CADM2: variants seen among roughly 807,000 people sequenced by gnomAD.
The protein encoded by CADM2 is immunoglobulin superfamily member 4D.
Under a neutral mutation model 49.8 loss-of-function variants are expected in CADM2, and 12 were observed. That is an observed-to-expected ratio of 0.24 (90% confidence interval 0.15 to 0.39). The LOEUF is 0.39. Among genes scored for constraint, CADM2 ranks in the 10% least tolerant of loss-of-function variants. The pLI is 1.00. For synonymous variants in CADM2, 214 were observed against 175.4 expected (o/e 1.22, Z -1.74); for missense variants, 378 against 492.3 (o/e 0.77, Z 2.20).
intron 1 of CADM2, among the ~76,000 whole-genome samples, chr3:85,681,678 A>C (rs1226709631): frequency 6.6e-6 from 1 of 152,160 alleles, no homozygotes; most frequent in Non-Finnish European, 1.5e-5. Flanking sequence ...ATGATTTCTC[A>C]AATTTTCATG....
chr3:85,405,341 T>C (rs1170119894), intron 1 of CADM2, among the ~76,000 whole-genome samples: 1 of 152,174 alleles, frequency 6.6e-6, no homozygotes, highest in Non-Finnish European at 1.5e-5. Flanking sequence ...AATGTGCTAA[T>C]AGGTTTATAT....
At chr3:85,851,846 G>T (rs1043354142) in intron 3 of CADM2, among the ~76,000 whole-genome samples, 1 of 151,920 alleles carries the variant, frequency 6.6e-6, no homozygotes, top group African/African-American at 2.4e-5. Flanking sequence ...TTTTCATCTT[G>T]AACAACTTAG....
At chr3:85,293,967 G>A (rs564875298) in intron 1 of CADM2, among the ~76,000 whole-genome samples, 9,736 of 151,624 alleles carry the variant, frequency 0.064, 1,016 homozygotes, top group African/African-American at 0.22. Context: ...GGAAATGAAG[G>A]GTATTCAGTT....
chr3:85,126,860 T>A (rs2039050792), intron 1 of CADM2, among the ~76,000 whole-genome samples: 1 of 152,280 alleles, frequency 6.6e-6, no homozygotes, highest in Non-Finnish European at 1.5e-5. Context: ...TGTGAGTTAT[T>A]CTGCTAATTT....
intron 1 of CADM2, among the ~76,000 whole-genome samples, chr3:85,388,140 C>T (rs934038668): frequency 7.2e-5 from 11 of 152,134 alleles, no homozygotes; most frequent in Non-Finnish European, 1.2e-4. Context: ...GCGATACTCC[C>T]GCCTCAGCCT....
chr3:85,774,414 G>A (rs1383624696), intron 2 of CADM2, among the ~76,000 whole-genome samples: 2 of 151,718 alleles, frequency 1.3e-5, no homozygotes, highest in African/African-American at 2.4e-5. Flanking sequence ...AGATTCTGTA[G>A]TCACCATATG....
chr3:85,289,552 T>C (rs1333166440), intron 1 of CADM2, among the ~76,000 whole-genome samples: 2 of 152,348 alleles, frequency 1.3e-5, no homozygotes, highest in Non-Finnish European at 1.5e-5. Context: ...GTGTATAATC[T>C]AAGCTAAATG....
chr3:85,640,828 TTTAGGTCTGATC>T (rs2064687823), intron 1 of CADM2, among the ~76,000 whole-genome samples: 1 of 149,244 alleles, frequency 6.7e-6, no homozygotes, highest in South Asian at 2.1e-4. Flanking sequence ...TAGAAAGTGA[TTTAGGTCTGATC>T]CAAGATGATG....
At chr3:85,898,554 A>G (rs938842733) in intron 5 of CADM2, among the ~76,000 whole-genome samples, 99 of 151,372 alleles carry the variant, frequency 6.5e-4, no homozygotes, top group African/African-American at 2.4e-3. Context: ...AAAGAATCAT[A>G]GGGTCTGTAC....
At chr3:85,250,519 C>T (rs1576211463) in intron 1 of CADM2, among the ~76,000 whole-genome samples, 1 of 151,424 alleles carries the variant, frequency 6.6e-6, no homozygotes, top group Non-Finnish European at 1.5e-5. Flanking sequence ...TTAGACAATA[C>T]ACAACTACAC....
chr3:85,185,792 G>C (rs1193496009), intron 1 of CADM2, among the ~76,000 whole-genome samples: 1 of 152,136 alleles, frequency 6.6e-6, no homozygotes, highest in Non-Finnish European at 1.5e-5. Context: ...TTTAATAAAC[G>C]GGAGTCATTT....
chr3:84,977,123 A>G (rs1425175364), intron 1 of CADM2, among the ~76,000 whole-genome samples: 1 of 151,942 alleles, frequency 6.6e-6, no homozygotes, highest in African/African-American at 2.4e-5. Context: ...ATGGATATAG[A>G]TCTTTAGCGC....
chr3:85,886,046 G>C (rs1015337867), intron 4 of CADM2, 144 bp from the exon 5 acceptor site: 10 of 1,237,076 alleles, frequency 8.1e-6, no homozygotes, highest in Non-Finnish European at 1.1e-5. Flanking sequence ...ATATGAAGCA[G>C]TTTATTACAT....
At chr3:85,270,548 T>TG (rs2043216909) in intron 1 of CADM2, among the ~76,000 whole-genome samples, 1 of 151,366 alleles carries the variant, frequency 6.6e-6, no homozygotes, top group Non-Finnish European at 1.5e-5. Context: ...TATGTGATCA[T>TG]GCTATCTTGC....
chr3:85,874,269 T>C (rs1307539824), intron 3 of CADM2, among the ~76,000 whole-genome samples: 4 of 152,160 alleles, frequency 2.6e-5, no homozygotes, highest in African/African-American at 9.7e-5. Context: ...CACAATGTAG[T>C]CTGGAGTCAT....
At chr3:85,898,487 C>A (rs1715582021) in intron 5 of CADM2, among the ~76,000 whole-genome samples, 1 of 151,974 alleles carries the variant, frequency 6.6e-6, no homozygotes, top group South Asian at 2.1e-4. Context: ...CCCAGGAAAC[C>A]ATTGTTCTGC....
intron 1 of CADM2, among the ~76,000 whole-genome samples, chr3:85,421,884 A>T (rs984582424): frequency 6.6e-6 from 1 of 152,248 alleles, no homozygotes; most frequent in African/African-American, 2.4e-5. Flanking sequence ...CATTCGTTTT[A>T]TCTATTTCTT....
At chr3:85,915,742 G>A (rs901358548) in intron 6 of CADM2, among the ~76,000 whole-genome samples, 1 of 152,092 alleles carries the variant, frequency 6.6e-6, no homozygotes, top group Non-Finnish European at 1.5e-5. Context: ...CATAATTTTA[G>A]TATTTCTCCA....
chr3:85,104,699 T>C (rs1398324260), intron 1 of CADM2, among the ~76,000 whole-genome samples: 1 of 152,234 alleles, frequency 6.6e-6, no homozygotes, highest in Non-Finnish European at 1.5e-5. Flanking sequence ...TTCCTAACCA[T>C]GAGCATGGAA....
Sources: gnomAD v4.1 joint callset for allele counts (sites outside exome capture counted in the v4.1 genomes callset) on GRCh38, gnomAD v4.1.1 for gene constraint, MANE v1.5 for transcripts, NCBI Gene and HGNC (gene_info 2026-07-23, HGNC 2026-07-21) for gene names.